Variants in GNPDA1 observed in about 807,000 individuals in gnomAD.
GNPDA1 encodes the protein glucosamine-6-phosphate deaminase 1.
GNPDA1 carries 24 observed loss-of-function variants against 28.5 expected under a neutral mutation model. The ratio of observed to expected loss-of-function variants is 0.84; its 90% CI spans 0.61 to 1.19. The LOEUF is 1.19. GNPDA1 is among the 50% of genes most tolerant of loss of function. The pLI is 0.00. For missense variants in GNPDA1, 264 were observed against 367.3 expected (o/e 0.72, Z 2.30); for synonymous variants, 147 against 139.3 (o/e 1.06, Z -0.39).
rs756163848 is a variant in GNPDA1, at chr5:142,011,812, C to T, written c.124+100G>A. 4 of 1,345,980 alleles carry T rather than the reference C, an allele frequency of 3.0e-6. No homozygotes were observed. The East Asian group carries it at 9.4e-5, about 32-fold the overall frequency. 83.4% of individuals were successfully genotyped at this position (1,345,980 alleles called of 1,614,324 possible). On this transcript the variant is annotated intron_variant, in intron 2 of 6. Coordinates refer to ENST00000311337, the MANE Select transcript of GNPDA1 (RefSeq NM_005471.5). ...CTCTCTCAGCACCAGTACCCCAGAG[C>T]CCCCGTGAAGTCCCTTGGCTGAGTG...
chr5:142,007,800 C>G lies in GNPDA1; in HGVS notation c.225G>C (p.Val75=). 1.3e-6 allele frequency: 2 copies of G among 1,550,946 alleles called. No individual in the cohort carries two copies. The highest frequency in any genetic ancestry group is 1.8e-6 in the Non-Finnish European group (2 of 1,122,638). Reference sequence around the variant, plus strand: ...GAACCTTGAAAGAGAAAGACTCACCCACGTACTCATCCATGTTGAAGGTCT... The same window carrying G: ...GAACCTTGAAAGAGAAAGACTCACCGACGTACTCATCCATGTTGAAGGTCT... ...YVKTFNMDEY[V]GLPRDHPESY... Residue 75 remains valine (V), a splice_region_variant and synonymous_variant, in exon 3 of 7, where the codon GTG becomes GTC. Coordinates refer to ENST00000311337, the MANE Select transcript of GNPDA1 (RefSeq NM_005471.5).
chr5:142,001,652 T>C lies in GNPDA1; in HGVS notation c.*377A>G, dbSNP rs1302549994. On this transcript the variant is annotated 3_prime_UTR_variant, in exon 7 of 7. Coordinates refer to ENST00000311337, the MANE Select transcript of GNPDA1 (RefSeq NM_005471.5). ...GACTCTTCAAAGAGGTGGTATCCAA[T>C]ATACATAAGCCCCTAATTCCCTCCC... is the stretch of plus-strand genomic sequence containing the variant. The C allele has an allele frequency of 6.0e-6, 1 of 165,686 alleles. No homozygotes were observed. The highest frequency in any genetic ancestry group is 2.4e-5 in the African/African-American group (1 of 41,630). The allele number at this position is 165,686 out of a possible 1,614,324, so 10.3% of individuals were successfully genotyped here.
At chr5:142,009,178 G>C (rs903333088) in intron 2 of GNPDA1, among the ~76,000 whole-genome samples, 9 of 151,522 alleles carry the variant, frequency 5.9e-5, no homozygotes. Context: ...CCTCTTTTTT[G>C]AATATTTGAA....
rs776114432 is a variant in GNPDA1, at chr5:142,001,993, TC to T, written c.*35del. The T allele has an allele frequency of 2.9e-6, 3 of 1,032,808 alleles. No individual in the cohort carries two copies. In the South Asian group the frequency reaches 4.1e-5, roughly 14 times the overall value. 64.0% of individuals were successfully genotyped at this position (1,032,808 alleles called of 1,614,324 possible). ...GACAATTTCCAGAAAGACCTGCCTT[TC>T]CCTATGGGTACTTGACACTAGGTCC... On this transcript the variant is annotated 3_prime_UTR_variant, in exon 7 of 7. Coordinates refer to ENST00000311337, the MANE Select transcript of GNPDA1 (RefSeq NM_005471.5).
chr5:142,002,787 G>A (rs931001279), intron 6 of GNPDA1, among the ~76,000 whole-genome samples: 6 of 152,038 alleles, frequency 3.9e-5, no homozygotes, highest in African/African-American at 1.4e-4. Flanking sequence ...GAAAGGAATC[G>A]CTTGTTTAAG....
chr5:142,012,625 T>C (rs1755990892), intron 1 of GNPDA1: 1 of 297,310 alleles, frequency 3.4e-6, no homozygotes, highest in Non-Finnish European at 5.0e-6. Context: ...TGGGGAGCTG[T>C]GTGCTCTCTC....
intron 6 of GNPDA1, among the ~76,000 whole-genome samples, chr5:142,002,444 G>A (rs1596731986): frequency 6.6e-6 from 1 of 152,194 alleles, no homozygotes; most frequent in South Asian, 2.1e-4. Context: ...GCCTAAAGCA[G>A]TGTGCATCCT....
intron 3 of GNPDA1, among the ~76,000 whole-genome samples, chr5:142,007,407 C>G (rs1210866574): frequency 6.6e-6 from 1 of 152,092 alleles, no homozygotes; most frequent in Non-Finnish European, 1.5e-5. Context: ...CTGGAGGCCA[C>G]ACACAGAAGA....
rs571267374 is a variant in GNPDA1, at chr5:142,012,705, C to G, written c.-7+290G>C. ...AACCCCTCTGGGTCTTCAGTTTCCC[C>G]CAAAGCACAAAAGGGAAAAGGTAAT... On this transcript the variant is annotated intron_variant, in intron 1 of 6. Coordinates refer to ENST00000311337, the MANE Select transcript of GNPDA1 (RefSeq NM_005471.5). 11 of 979,392 alleles carry G rather than the reference C, an allele frequency of 1.1e-5. No individual in the cohort carries two copies. The South Asian group carries it at 5.2e-4, about 46-fold the overall frequency. 60.7% of individuals were successfully genotyped at this position (979,392 alleles called of 1,614,324 possible). A position where few individuals can be genotyped will look rare whatever the true frequency, so the allele number is the denominator to read the frequency against.
In GNPDA1 at chr5:142,001,836, T is replaced by TA. The variant is rs1177143141; in HGVS notation, c.*192dup. 7.4e-6 allele frequency: 3 copies of TA among 407,086 alleles called. No homozygotes were observed. Among genetic ancestry groups the TA allele is most frequent in the Non-Finnish European group, 1.3e-5 (3 of 229,806 alleles). The allele number at this position is 407,086 out of a possible 1,614,324, so 25.2% of individuals were successfully genotyped here. A position where few individuals can be genotyped will look rare whatever the true frequency, so the allele number is the denominator to read the frequency against. On this transcript the variant is annotated 3_prime_UTR_variant, in exon 7 of 7. Coordinates refer to ENST00000311337, the MANE Select transcript of GNPDA1 (RefSeq NM_005471.5). ...ATTTTGCAGATATTTTTTTTCTGAT[T>TA]AAGTTACAAACATTCTCCCTATAGC...
intron 2 of GNPDA1, among the ~76,000 whole-genome samples, chr5:142,010,196 T>A (rs1031353994): frequency 6.6e-6 from 1 of 152,240 alleles, no homozygotes; most frequent in African/African-American, 2.4e-5. Flanking sequence ...AGTATCGCTG[T>A]CACCCAAGCT....
chr5:142,009,809 C>T (rs751285960), intron 2 of GNPDA1, among the ~76,000 whole-genome samples: 3 of 152,164 alleles, frequency 2.0e-5, no homozygotes, highest in Non-Finnish European at 4.4e-5. Context: ...AGAACCCTGA[C>T]AGGTGCTACA....
At position 142,003,058 on chromosome 5, in the gene GNPDA1, C is replaced by G; in HGVS notation, c.769+30G>C. On this transcript the variant is annotated intron_variant, in intron 6 of 6. Transcript: ENST00000311337. The surrounding 1 kb of genome is among the most constrained non-coding windows in gnomAD (Gnocchi z 4.0). ...ACTCCTAGCACACCCTAAGCTTGAC[C>G]ACCTCCTCCTGGACCCACACCTCCC... The G allele has an allele frequency of 6.3e-7, 1 of 1,591,824 alleles. No individual in the cohort carries two copies. The highest frequency in any genetic ancestry group is 8.6e-7 in the Non-Finnish European group (1 of 1,166,752).
Position 142,006,217 on chromosome 5 carries a change from G to T in GNPDA1, c.336C>A (p.Val112=). The part of the protein sequence containing the change: ...ENTHILDGNA[V]DLQAECDAFE... The stretch of plus-strand genomic sequence containing the variant: ...AGGCATCACATTCTGCCTGTAGGTC[G>T]ACTGCATTCCCATCCAGAATGTGGG... The change falls in exon 4 of 7, where the codon GTC becomes GTA. Residue 112 remains valine (V), a synonymous_variant. Coordinates refer to ENST00000311337, the MANE Select transcript of GNPDA1 (RefSeq NM_005471.5). The T allele has an allele frequency of 6.2e-7, 1 of 1,613,970 alleles. No individual in the cohort carries two copies. Among genetic ancestry groups the T allele is most frequent in the South Asian group, 1.1e-5 (1 of 91,048 alleles).
At chr5:142,008,199 C>T (rs888173734) in intron 2 of GNPDA1, among the ~76,000 whole-genome samples, 8 of 152,216 alleles carry the variant, frequency 5.3e-5, no homozygotes, top group Admixed American at 3.3e-4. Context: ...GAACATCAGA[C>T]TTCATTATTG....
chr5:142,002,923 ACAGGCAGAAG>A (rs1408686422), intron 6 of GNPDA1, among the ~76,000 whole-genome samples, 155 bp downstream of exon 6: 6 of 152,164 alleles, frequency 3.9e-5, no homozygotes, highest in African/African-American at 1.4e-4. Context: ...CTTTGCAGTC[ACAGGCAGAAG>A]AGAAATGACT....
At chr5:142,005,152 C>T (rs1489748816) in intron 4 of GNPDA1, 36 bp from the exon 5 acceptor site, 2 of 1,509,560 alleles carry the variant, frequency 1.3e-6, no homozygotes, top group Middle Eastern at 1.8e-4. Context: ...CTGTCAGTCC[C>T]AGGGATCCAA....
chr5:142,010,705 G>C (rs1299266940), intron 2 of GNPDA1, among the ~76,000 whole-genome samples: 1 of 150,656 alleles, frequency 6.6e-6, no homozygotes, highest in Non-Finnish European at 1.5e-5. Context: ...GTAGAGATGG[G>C]GTTTTGCCAT....
At chr5:142,007,728 G>T in intron 3 of GNPDA1, 71 bp downstream of exon 3, 1 of 892,278 alleles carries the variant, frequency 1.1e-6, no homozygotes, top group South Asian at 1.4e-5. Context: ...TCCTCTCCAG[G>T]ACTGGGCCAA....
Sources: allele counts gnomAD v4.1 joint callset (sites outside exome capture counted in the v4.1 genomes callset), GRCh38; gene constraint gnomAD v4.1.1; non-coding constraint Gnocchi (gnomAD v3.1); transcripts MANE v1.5; gene names NCBI Gene and HGNC (gene_info 2026-07-23, HGNC 2026-07-21).